The following OSBPL10 variants were observed in gnomAD, a reference collection of about 807,000 sequenced individuals.
The protein encoded by OSBPL10 is oxysterol-binding protein-related protein 10.
A neutral mutation model predicts 81.7 loss-of-function variants in OSBPL10; 49 were observed. The observed-to-expected ratio is 0.60, with a 90% CI of 0.48 to 0.76. The LOEUF (loss-of-function observed/expected upper bound fraction) is 0.76, where lower values mean the gene tolerates loss of function less well. Among genes scored for constraint, OSBPL10 ranks in the 30% least tolerant of loss-of-function variants. OSBPL10 has a pLI of 0.00. For missense variants in OSBPL10, 923 were observed against 987.8 expected (o/e 0.93, Z 0.88); for synonymous variants, 419 against 383.6 (o/e 1.09, Z -1.08).
chr3:31,821,207 C>T (rs1262984644), intron 4 of OSBPL10, among the ~76,000 whole-genome samples: 1 of 152,016 alleles, frequency 6.6e-6, no homozygotes, highest in Non-Finnish European at 1.5e-5. Flanking sequence ...TGGTGGGGGA[C>T]ATATCTCGGT....
chr3:31,738,807 G>T (rs1282020431), intron 5 of OSBPL10, among the ~76,000 whole-genome samples: 1 of 152,050 alleles, frequency 6.6e-6, no homozygotes, highest in Non-Finnish European at 1.5e-5. Context: ...CAGAGACTCA[G>T]AAATGATTCT....
chr3:31,797,966 T>A (rs1262398212), intron 4 of OSBPL10: 5 of 318,088 alleles, frequency 1.6e-5, no homozygotes, highest in Middle Eastern at 4.5e-4. Flanking sequence ...ATAATTATTT[T>A]TATATATATC....
rs953762408 is a variant in OSBPL10, at chr3:31,663,024, G to A, written c.2251-908C>T. 3.2e-5 allele frequency: 32 copies of A among 985,404 alleles called. No individual in the cohort carries two copies. The South Asian group carries it at 1.1e-3, about 35-fold the overall frequency. The allele number at this position is 985,404 out of a possible 1,614,324, so 61.0% of individuals were successfully genotyped here. A position where few individuals can be genotyped will look rare whatever the true frequency, so the allele number is the denominator to read the frequency against. ...CTTCAGTCCACAGCCTGACTCTGGG[G>A]AGAACAGTGGTGGCTTCCTGCTCTT... On this transcript the variant is annotated intron_variant, in intron 11 of 11. Transcript: ENST00000396556.
At chr3:31,953,252 C>A (rs1697920071) in intron 1 of OSBPL10, among the ~76,000 whole-genome samples, 1 of 151,990 alleles carries the variant, frequency 6.6e-6, no homozygotes, top group East Asian at 1.9e-4. Context: ...TTTTAATATG[C>A]AGAAAGGTTT....
At chr3:31,953,659 G>A (rs1409182814) in intron 1 of OSBPL10, among the ~76,000 whole-genome samples, 1 of 152,170 alleles carries the variant, frequency 6.6e-6, no homozygotes, top group Admixed American at 6.5e-5. Context: ...GCCAGCCTCA[G>A]TCTCCCAAAG....
intron 1 of OSBPL10, among the ~76,000 whole-genome samples, chr3:31,912,250 T>C (rs761828355): frequency 1.3e-4 from 19 of 151,712 alleles, no homozygotes; most frequent in Admixed American, 5.3e-4. Flanking sequence ...AAAAATTAGC[T>C]GGGCGTGGTG....
intron 8 of OSBPL10, among the ~76,000 whole-genome samples, chr3:31,671,806 C>A (rs1021509402): frequency 1.3e-5 from 2 of 152,138 alleles, no homozygotes; most frequent in African/African-American, 4.8e-5. Flanking sequence ...CTCAAGACTA[C>A]CCCCAAAATA....
intron 3 of OSBPL10, among the ~76,000 whole-genome samples, chr3:31,871,339 T>C (rs1701320824): frequency 6.6e-6 from 1 of 151,760 alleles, no homozygotes; most frequent in Non-Finnish European, 1.5e-5. Flanking sequence ...TACGAAGGAC[T>C]GCAGCTTCCC....
upstream of OSBPL10, among the ~76,000 whole-genome samples, chr3:31,986,062 T>TGAAACTGC (rs1224321076): frequency 6.6e-6 from 1 of 152,206 alleles, no homozygotes; most frequent in African/African-American, 2.4e-5. Context: ...CTCTACTTAA[T>TGAAACTGC]GAAACTGCAG....
intron 1 of OSBPL10, among the ~76,000 whole-genome samples, chr3:31,900,443 T>TA (rs1258564691): frequency 6.6e-6 from 1 of 152,154 alleles, no homozygotes; most frequent in Non-Finnish European, 1.5e-5. Flanking sequence ...CCACTATGAC[T>TA]AATTTCTCAC....
At chr3:31,924,217 T>TAAAAAA (rs34813837) in intron 1 of OSBPL10, among the ~76,000 whole-genome samples, 1 of 129,112 alleles carries the variant, frequency 7.7e-6, no homozygotes, top group Non-Finnish European at 1.6e-5. Flanking sequence ...AGACTTCATC[T>TAAAAAA]AAAAAAAAAA....
rs1559535536 is a variant in OSBPL10 at position 31,965,924 on chromosome 3, A to AAATAGATAATATATAT, written c.281+14974_281+14975insATATATATTATCTATT. On this transcript the variant is annotated intron_variant, in intron 1 of 11. Coordinates refer to ENST00000396556, the MANE Select transcript of OSBPL10 (RefSeq NM_017784.5). The stretch of plus-strand genomic sequence containing the variant: ...TATTATATAAAATAGATAATATATA[A>AAATAGATAATATATAT]TATATATTATATAAAATAGATAATA... Among the ~76,000 whole-genome samples, 161 of 114,366 alleles carry AAATAGATAATATATAT rather than the reference A, an allele frequency of 1.4e-3. 1 individual carries two copies. Among genetic ancestry groups the AAATAGATAATATATAT allele is most frequent in the Middle Eastern group, 4.2e-3 (1 of 238 alleles). The allele number at this position is 114,366 out of a possible 152,430, so 75.0% of individuals were successfully genotyped here. A position where few individuals can be genotyped will look rare whatever the true frequency, so the allele number is the denominator to read the frequency against.
At chr3:31,998,422 C>A (rs1699111987) in intron 2 of OSBPL10, among the ~76,000 whole-genome samples, 1 of 152,078 alleles carries the variant, frequency 6.6e-6, no homozygotes, top group Non-Finnish European at 1.5e-5. Flanking sequence ...AATTATTGGT[C>A]AGAATTTGAG....
intron 8 of OSBPL10, among the ~76,000 whole-genome samples, chr3:31,678,087 C>CAAAAAAAAAAAAAAAA (rs1174037204): frequency 1.3e-5 from 1 of 76,650 alleles, no homozygotes; most frequent in African/African-American, 5.5e-5. Context: ...GACTCCGTCT[C>CAAAAAAAAAAAAAAAA]AAAAAAAAAA....
chr3:32,053,928 A>G (rs2125435494), intron 1 of OSBPL10, among the ~76,000 whole-genome samples: 1 of 152,328 alleles, frequency 6.6e-6, no homozygotes, highest in East Asian at 1.9e-4. Context: ...AGATTGCACC[A>G]CTGCACTCCA....
intron 3 of OSBPL10, among the ~76,000 whole-genome samples, chr3:31,847,194 CTTTT>C (rs1165840077): frequency 0.26 from 37,053 of 144,642 alleles, 4,903 homozygotes; most frequent in Non-Finnish European, 0.3. Flanking sequence ...CTCCCCATTC[CTTTT>C]TTTTTTTTTT....
chr3:31,792,885 TGTGTGTGTGTG>T (rs1699066918), intron 4 of OSBPL10, among the ~76,000 whole-genome samples: 1 of 149,290 alleles, frequency 6.7e-6, no homozygotes, highest in Non-Finnish European at 1.5e-5. Flanking sequence ...TGTGTGTGTG[TGTGTGTGTGTG>T]TGTGTGTGTG....
At chr3:31,801,174 G>A (rs1406485030) in intron 4 of OSBPL10, among the ~76,000 whole-genome samples, 4 of 152,114 alleles carry the variant, frequency 2.6e-5, no homozygotes, top group African/African-American at 7.2e-5. Context: ...AACTTTTCAG[G>A]AGCATGGGAT....
At position 31,670,869 on chromosome 3, in the gene OSBPL10, T is replaced by A. The variant is rs1393380800; in HGVS notation, c.1841A>T (p.Asn614Ile). 1.9e-6 allele frequency: 3 copies of A among 1,614,156 alleles called. No individual in the cohort carries two copies. The highest frequency in any genetic ancestry group is 2.5e-6 in the Non-Finnish European group (3 of 1,180,026). The change falls in exon 9 of 12, where the codon AAC (asparagine) becomes ATC (isoleucine). Residue 614 changes from asparagine (N) to isoleucine (I), a missense_variant. Asn to Ile is a moderately radical substitution (Grantham distance 149). Transcript: ENST00000396556. ...CGCTGAGTACCCAGTCTTGGCACAG[T>A]TGATGCTGACTTTTCCTCCGAGCTC... Reference protein sequence around the residue: ...WVELGGKVSINCAKTGYSATV... With the variant: ...WVELGGKVSIICAKTGYSATV...
Sources: gnomAD v4.1 joint callset for allele counts (sites outside exome capture counted in the v4.1 genomes callset) on GRCh38, gnomAD v4.1.1 for gene constraint, MANE v1.5 for transcripts, NCBI Gene and HGNC (gene_info 2026-07-23, HGNC 2026-07-21) for gene names.